Variants in GRIK1 observed in about 807,000 individuals in gnomAD.
GRIK1 encodes the protein glutamate ionotropic receptor kainate type subunit 1.
GRIK1 carries 69 observed loss-of-function variants against 105.7 expected under a neutral mutation model. That is an observed-to-expected ratio of 0.65 (90% CI 0.54 to 0.80). The LOEUF is 0.80. GRIK1 is among the 30% of genes least tolerant of loss of function. The pLI, the probability that GRIK1 is intolerant of heterozygous loss-of-function variation, is 0.00. For synonymous variants in GRIK1, 438 were observed against 431.3 expected (o/e 1.02, Z -0.19); for missense variants, 1,109 against 1,167.3 (o/e 0.95, Z 0.73).
intron 7 of GRIK1, among the ~76,000 whole-genome samples, chr21:29,600,825 G>A (rs937117466): frequency 3.9e-5 from 6 of 152,016 alleles, no homozygotes; most frequent in Admixed American, 1.3e-4. Flanking sequence ...ACTATCTCAC[G>A]TTTAGCCTTT....
At chr21:29,837,883 A>AT (rs1482397923) in intron 1 of GRIK1, among the ~76,000 whole-genome samples, 4 of 152,100 alleles carry the variant, frequency 2.6e-5, no homozygotes, top group Admixed American at 2.0e-4. Flanking sequence ...AGTATTCTAT[A>AT]TTTTGCCCCA....
At chr21:29,637,469 G>T (rs952214864) in intron 7 of GRIK1, among the ~76,000 whole-genome samples, 5 of 152,210 alleles carry the variant, frequency 3.3e-5, no homozygotes, top group African/African-American at 1.2e-4. Context: ...TCAAATGTTT[G>T]TTTACCCCTA....
At chr21:29,739,415 A>T (rs1223315796) in intron 1 of GRIK1, among the ~76,000 whole-genome samples, 5 of 152,158 alleles carry the variant, frequency 3.3e-5, no homozygotes, top group Admixed American at 6.5e-5. Flanking sequence ...CAGGAAAGGG[A>T]TGTGGGAGAA....
chr21:29,640,988 T>A (rs1183207386), intron 7 of GRIK1, among the ~76,000 whole-genome samples: 1 of 152,230 alleles, frequency 6.6e-6, no homozygotes, highest in Non-Finnish European at 1.5e-5. Flanking sequence ...GTAAACTGAA[T>A]GAGGCTATTC....
chr21:29,711,845 A>T (rs895535793), intron 1 of GRIK1, among the ~76,000 whole-genome samples: 1 of 151,972 alleles, frequency 6.6e-6, no homozygotes, highest in Admixed American at 6.6e-5. Flanking sequence ...AGATTTTGTA[A>T]TTTTTTTCTA....
chr21:29,623,366 G>A (rs1009363205), intron 7 of GRIK1, among the ~76,000 whole-genome samples: 2 of 151,704 alleles, frequency 1.3e-5, no homozygotes, highest in African/African-American at 4.8e-5. Flanking sequence ...ACTATAATTC[G>A]AGATTTGGGT....
intron 1 of GRIK1, among the ~76,000 whole-genome samples, chr21:29,856,685 A>C (rs2068474551): frequency 6.6e-6 from 1 of 152,230 alleles, no homozygotes. Context: ...AAAGTTAGAC[A>C]ATCATCAAAA....
rs368649781 is a variant in GRIK1 at position 29,654,768 on chromosome 21, G to A, written c.780+42C>T. 4.8e-5 allele frequency: 54 copies of A among 1,125,130 alleles called. No homozygotes were observed. In the African/African-American group the frequency reaches 5.9e-4, roughly 12 times the overall value. The allele number at this position is 1,125,130 out of a possible 1,614,324, so 69.7% of individuals were successfully genotyped here. A position where few individuals can be genotyped will look rare whatever the true frequency, so the allele number is the denominator to read the frequency against. Reference sequence around the variant, plus strand: ...GACTCTGAAATAACTGTGTGAAGACGTTTCCTACCATGTGGAATACATTTC... The same window carrying A: ...GACTCTGAAATAACTGTGTGAAGACATTTCCTACCATGTGGAATACATTTC... On this transcript the variant is annotated intron_variant, in intron 5 of 17. Transcript: ENST00000327783.
At chr21:29,696,517 G>A (rs1164497103) in intron 1 of GRIK1, among the ~76,000 whole-genome samples, 1 of 152,256 alleles carries the variant, frequency 6.6e-6, no homozygotes, top group Non-Finnish European at 1.5e-5. Flanking sequence ...GAGGTGACAA[G>A]ATGATGCAAA....
intron 3 of GRIK1, among the ~76,000 whole-genome samples, chr21:29,688,388 G>C (rs2063523869): frequency 6.6e-6 from 1 of 152,176 alleles, no homozygotes; most frequent in South Asian, 2.1e-4. Flanking sequence ...AGTGCTTGGC[G>C]AAAGGGGCAG....
chr21:29,621,381 T>G (rs1048823020), intron 7 of GRIK1, among the ~76,000 whole-genome samples: 2 of 151,924 alleles, frequency 1.3e-5, no homozygotes, highest in African/African-American at 2.4e-5. Flanking sequence ...TAAATATTCA[T>G]TGGGCCTGAG....
intron 1 of GRIK1, among the ~76,000 whole-genome samples, chr21:29,907,461 A>T (rs1355082879): frequency 6.6e-6 from 1 of 152,138 alleles, no homozygotes; most frequent in East Asian, 1.9e-4. Context: ...CCCGAATCAT[A>T]GTCTGACAGT....
chr21:29,560,884 GCCATCGCGC>G (rs1209820248), intron 15 of GRIK1, among the ~76,000 whole-genome samples: 2 of 152,088 alleles, frequency 1.3e-5, no homozygotes, highest in African/African-American at 4.8e-5. Flanking sequence ...ACAGGCGTGA[GCCATCGCGC>G]CTGGCCATGA....
chr21:29,574,120 A>C (rs1171203543), intron 14 of GRIK1, among the ~76,000 whole-genome samples: 3 of 152,186 alleles, frequency 2.0e-5, no homozygotes, highest in Non-Finnish European at 4.4e-5. Flanking sequence ...TTTTGTTTAG[A>C]CTTGGGTCCC....
Position 29,596,136 on chromosome 21 carries a change from T to C in GRIK1, c.1251+390A>G, listed in dbSNP as rs1261163787. 15 of 347,880 alleles carry C rather than the reference T, an allele frequency of 4.3e-5. No individual in the cohort carries two copies. In the East Asian group the frequency reaches 8.2e-4, roughly 19 times the overall value. 21.5% of individuals were successfully genotyped at this position (347,880 alleles called of 1,614,324 possible). A position where few individuals can be genotyped will look rare whatever the true frequency, so the allele number is the denominator to read the frequency against. ...GCTGTAGCCTATCTGACTAGTCTCA[T>C]GGATCAAATCTATTGTGATTTTTAT... On this transcript the variant is annotated intron_variant, in intron 9 of 17. Transcript: ENST00000327783.
intron 4 of GRIK1, among the ~76,000 whole-genome samples, chr21:29,661,459 A>G (rs1386441570): frequency 6.6e-6 from 1 of 152,180 alleles, no homozygotes; most frequent in Non-Finnish European, 1.5e-5. Context: ...AGAAGGTGTA[A>G]ATGGGAATGC....
At position 29,869,806 on chromosome 21, in the gene GRIK1, C is replaced by T. The variant is rs2068949735; in HGVS notation, c.118+69577G>A. On this transcript the variant is annotated intron_variant, in intron 1 of 17. Coordinates refer to ENST00000327783, the MANE Select transcript of GRIK1 (RefSeq NM_001330994.2). ...AAACATTAAAAAATCTATATTCAAA[C>T]CCTCCACAGCTAGTAACCACTAACT... Among the ~76,000 whole-genome samples, 3 of 152,246 alleles carry T rather than the reference C, an allele frequency of 2.0e-5. No individual in the cohort carries two copies. In the South Asian group the frequency reaches 6.2e-4, roughly 32 times the overall value.
chr21:29,822,545 G>A lies in GRIK1; in HGVS notation c.118+116838C>T, dbSNP rs375391660. On this transcript the variant is annotated intron_variant, in intron 1 of 17. Coordinates refer to ENST00000327783, the MANE Select transcript of GRIK1 (RefSeq NM_001330994.2). ...CCTCATCCACAACCCCTTGCAACAA[G>A]CTGTTTCCATGTGACAAGTTCTGGC... Among the ~76,000 whole-genome samples, 35 of 152,044 alleles carry A rather than the reference G, an allele frequency of 2.3e-4. No individual in the cohort carries two copies. In the East Asian group the frequency reaches 5.6e-3, roughly 24 times the overall value.
intron 1 of GRIK1, among the ~76,000 whole-genome samples, chr21:29,900,487 T>C (rs1395859135): frequency 8.9e-6 from 1 of 112,962 alleles, no homozygotes; most frequent in African/African-American, 3.9e-5. Flanking sequence ...AAAGCAAGGG[T>C]TGCAATCCTG....
Sources: gnomAD v4.1 joint callset for allele counts (sites outside exome capture counted in the v4.1 genomes callset) on GRCh38, gnomAD v4.1.1 for gene constraint, MANE v1.5 for transcripts, NCBI Gene and HGNC (gene_info 2026-07-23, HGNC 2026-07-21) for gene names.